RABGAP1L: variants seen among roughly 807,000 people sequenced by gnomAD.
RABGAP1L encodes the protein rab GTPase-activating protein 1-like.
In RABGAP1L, 63 loss-of-function variants were observed where a neutral mutation model predicts 137.7. The observed-to-expected ratio is 0.46, with a 90% CI of 0.37 to 0.56. The LOEUF (loss-of-function observed/expected upper bound fraction) is 0.56. Ranked by LOEUF, RABGAP1L falls within the 20% of genes least tolerant of loss-of-function variation. The pLI is 0.00. For missense variants in RABGAP1L, 1,095 were observed against 1,244.0 expected, an observed-to-expected ratio of 0.88 and a Z score of 1.80; for synonymous variants, 431 against 433.7, an observed-to-expected ratio of 0.99 and a Z score of 0.08.
intron 1 of RABGAP1L, among the ~76,000 whole-genome samples, chr1:174,177,327 G>T (rs1665969144): frequency 6.6e-6 from 1 of 152,060 alleles, no homozygotes; most frequent in Non-Finnish European, 1.5e-5. Flanking sequence ...TGATGGGATT[G>T]TTTGTTTTTT....
chr1:174,602,450 C>G (rs1234423887), intron 13 of RABGAP1L, among the ~76,000 whole-genome samples: 1 of 152,114 alleles, frequency 6.6e-6, no homozygotes, highest in Non-Finnish European at 1.5e-5. Flanking sequence ...GAGGAAAGAC[C>G]ACACCCCCAT....
At chr1:174,511,912 C>T (rs1662384805) in intron 13 of RABGAP1L, among the ~76,000 whole-genome samples, 1 of 152,120 alleles carries the variant, frequency 6.6e-6, no homozygotes, top group African/African-American at 2.4e-5. Flanking sequence ...AGCCACTGTG[C>T]CCGGCTGTGT....
chr1:174,168,475 A>T (rs1255097967), intron 1 of RABGAP1L, among the ~76,000 whole-genome samples: 2 of 151,900 alleles, frequency 1.3e-5, no homozygotes, highest in African/African-American at 4.8e-5. Context: ...TTTTTTTTTA[A>T]ATCTCATGAA....
At chr1:174,715,379 A>G (rs1680916139) in intron 17 of RABGAP1L, among the ~76,000 whole-genome samples, 1 of 152,252 alleles carries the variant, frequency 6.6e-6, no homozygotes, top group African/African-American at 2.4e-5. Context: ...ATTGAAGAGT[A>G]GTTATTTCCC....
rs148165464 is a variant in RABGAP1L at position 174,492,163 on chromosome 1, C to G, written c.1710+98018C>G. ...CTATTCCGCCATCTTGCTCCACCCT[C>G]TATGTCGAATTACTTTTTTTTTTTT... On this transcript the variant is annotated intron_variant, in intron 13 of 25. Transcript: ENST00000681986. Among the ~76,000 whole-genome samples, 13 of 147,518 alleles carry G rather than the reference C, an allele frequency of 8.8e-5. 1 individual carries two copies. In the East Asian group the frequency reaches 2.4e-3, roughly 27 times the overall value.
At chr1:174,624,632 A>C (rs911939001) in intron 13 of RABGAP1L, among the ~76,000 whole-genome samples, 4 of 152,212 alleles carry the variant, frequency 2.6e-5, no homozygotes, top group African/African-American at 9.7e-5. Context: ...TTAATCCAGA[A>C]AAATATTGGA....
At chr1:174,790,323 G>A (rs1474120060) in intron 18 of RABGAP1L, among the ~76,000 whole-genome samples, 1 of 152,094 alleles carries the variant, frequency 6.6e-6, no homozygotes, top group African/African-American at 2.4e-5. Flanking sequence ...GATAAAGATA[G>A]TAAGAGAGAA....
At chr1:174,758,295 T>C (rs1188191595) in intron 18 of RABGAP1L, among the ~76,000 whole-genome samples, 1 of 152,100 alleles carries the variant, frequency 6.6e-6, no homozygotes, top group Non-Finnish European at 1.5e-5. Flanking sequence ...CACTCCTTTT[T>C]CCCCCTAGCC....
At chr1:174,790,106 A>G (rs1407730495) in intron 18 of RABGAP1L, among the ~76,000 whole-genome samples, 2 of 152,002 alleles carry the variant, frequency 1.3e-5, no homozygotes, top group Non-Finnish European at 2.9e-5. Flanking sequence ...GCTGCACAGG[A>G]GGCTGAGACA....
At chr1:174,712,709 C>T (rs1486207303) in intron 17 of RABGAP1L, among the ~76,000 whole-genome samples, 2 of 152,178 alleles carry the variant, frequency 1.3e-5, no homozygotes, top group African/African-American at 2.4e-5. Context: ...CCTGATCACC[C>T]GTTCTTAAAT....
At chr1:174,656,406 C>T (rs924208655) in intron 14 of RABGAP1L, among the ~76,000 whole-genome samples, 10 of 152,080 alleles carry the variant, frequency 6.6e-5, no homozygotes, top group African/African-American at 2.2e-4. Context: ...TGCAGAGAGC[C>T]GAGATCATGC....
chr1:174,663,964 G>GC (rs1676572298), intron 14 of RABGAP1L, among the ~76,000 whole-genome samples: 1 of 152,092 alleles, frequency 6.6e-6, no homozygotes, highest in African/African-American at 2.4e-5. Flanking sequence ...GGACTCAGAG[G>GC]CTGTGATGTG....
At chr1:174,176,714 A>G (rs1295625260) in intron 1 of RABGAP1L, among the ~76,000 whole-genome samples, 71 of 51,668 alleles carry the variant, frequency 1.4e-3, no homozygotes, top group South Asian at 2.7e-3. Flanking sequence ...CCTTTTTCAG[A>G]AAAAAAAAAA....
intron 13 of RABGAP1L, among the ~76,000 whole-genome samples, chr1:174,401,563 T>A (rs567457042): frequency 6.6e-6 from 1 of 152,234 alleles, no homozygotes; most frequent in East Asian, 1.9e-4. Context: ...TTTCAAGACA[T>A]TCATCTGAGA....
intron 13 of RABGAP1L, among the ~76,000 whole-genome samples, chr1:174,438,744 G>GTGTATATA (rs1161311071): frequency 3.8e-4 from 36 of 95,450 alleles, no homozygotes; most frequent in African/African-American, 7.1e-4. Context: ...GTGTGTGTGT[G>GTGTATATA]TATATATATA....
At chr1:174,781,946 C>T (rs1181446702) in intron 18 of RABGAP1L, among the ~76,000 whole-genome samples, 1 of 152,124 alleles carries the variant, frequency 6.6e-6, no homozygotes, top group African/African-American at 2.4e-5. Flanking sequence ...GGTACCAGTA[C>T]CATGCTGTTT....
chr1:174,522,250 G>A (rs755103550), intron 13 of RABGAP1L, among the ~76,000 whole-genome samples: 1 of 152,134 alleles, frequency 6.6e-6, no homozygotes, highest in Non-Finnish European at 1.5e-5. Context: ...AAGGCAGAGG[G>A]CAGGTGTATA....
intron 13 of RABGAP1L, among the ~76,000 whole-genome samples, chr1:174,446,967 CTT>C (rs1654843433): frequency 1.3e-5 from 2 of 152,048 alleles, no homozygotes; most frequent in East Asian, 1.9e-4. Flanking sequence ...TATTGTCTAA[CTT>C]TATATTTACA....
chr1:174,956,724 C>T (rs551486136), intron 19 of RABGAP1L, among the ~76,000 whole-genome samples: 6 of 151,512 alleles, frequency 4.0e-5, no homozygotes, highest in African/African-American at 9.7e-5. Flanking sequence ...CTTGGTTCAC[C>T]GCAACCTCAG....
Sources: gnomAD v4.1 joint callset for allele counts (sites outside exome capture counted in the v4.1 genomes callset) on GRCh38, gnomAD v4.1.1 for gene constraint, MANE v1.5 for transcripts, NCBI Gene and HGNC (gene_info 2026-07-23, HGNC 2026-07-21) for gene names.